Variants in CACNA2D1 observed in about 807,000 individuals in gnomAD.
CACNA2D1 encodes the protein calcium voltage-gated channel auxiliary subunit alpha2delta 1.
CACNA2D1 carries 53 observed loss-of-function variants against 171.5 expected under a neutral mutation model. That is an observed-to-expected ratio of 0.31 (90% CI 0.25 to 0.39). CACNA2D1 has a LOEUF of 0.39. CACNA2D1 is among the 10% of genes least tolerant of loss of function. The pLI, the probability that CACNA2D1 is intolerant of heterozygous loss-of-function variation, is 1.00. For synonymous variants in CACNA2D1, 442 were observed against 443.1 expected, an observed-to-expected ratio of 1.00 and a Z score of 0.03; for missense variants, 903 against 1,299.8, an observed-to-expected ratio of 0.69 and a Z score of 4.69.
chr7:82,380,721 G>C (rs1823599853), intron 1 of CACNA2D1, among the ~76,000 whole-genome samples: 2 of 151,984 alleles, frequency 1.3e-5, no homozygotes, highest in South Asian at 4.2e-4. Context: ...TTGAGACAGA[G>C]TCTTGCTCTG....
chr7:82,242,860 A>G (rs1804480470), intron 3 of CACNA2D1, among the ~76,000 whole-genome samples: 1 of 152,134 alleles, frequency 6.6e-6, no homozygotes. Context: ...GCAAGAAAAA[A>G]TGTATTTTGT....
intron 1 of CACNA2D1, among the ~76,000 whole-genome samples, chr7:82,407,487 GT>G (rs1827183439): frequency 6.6e-6 from 1 of 151,988 alleles, no homozygotes; most frequent in Non-Finnish European, 1.5e-5. Flanking sequence ...AAAATGTCTA[GT>G]AAGAGCAATG....
intron 5 of CACNA2D1, among the ~76,000 whole-genome samples, chr7:82,122,684 A>G (rs894032637): frequency 6.6e-6 from 1 of 152,208 alleles, no homozygotes; most frequent in African/African-American, 2.4e-5. Context: ...AGTGATATTT[A>G]TCTTCTGCTC....
At chr7:82,256,643 TATATTTGA>T (rs1190519767) in intron 3 of CACNA2D1, among the ~76,000 whole-genome samples, 1 of 152,166 alleles carries the variant, frequency 6.6e-6, no homozygotes, top group East Asian at 1.9e-4. Context: ...GTTTTTAAAG[TATATTTGA>T]ATCTTTACTA....
chr7:82,246,257 A>T (rs1234125016), intron 3 of CACNA2D1, among the ~76,000 whole-genome samples: 1 of 151,202 alleles, frequency 6.6e-6, no homozygotes, highest in Non-Finnish European at 1.5e-5. Context: ...ATATTTATGC[A>T]TATGTAGAGA....
In CACNA2D1 at chr7:82,360,189, C is replaced by T. The variant is rs555540812; in HGVS notation, c.96-10540G>A. On this transcript the variant is annotated intron_variant, in intron 1 of 38. Transcript: ENST00000356860. ...CTCCTCTCATCAGAACTTGGAGATA[C>T]CTCTTGTTTTCTAGTTTATAGACTG... Among the ~76,000 whole-genome samples, 23 of 152,282 alleles carry T rather than the reference C, an allele frequency of 1.5e-4. 1 individual carries two copies. The South Asian group carries it at 4.6e-3, about 30-fold the overall frequency.
intron 3 of CACNA2D1, among the ~76,000 whole-genome samples, chr7:82,244,537 G>A (rs1804682820): frequency 6.6e-6 from 1 of 152,054 alleles, no homozygotes; most frequent in South Asian, 2.1e-4. Flanking sequence ...TAACTTCTAA[G>A]AGGTATGCTG....
At chr7:82,440,435 A>C (rs78204765) in intron 1 of CACNA2D1, among the ~76,000 whole-genome samples, 1,966 of 151,992 alleles carry the variant, frequency 0.013, 40 homozygotes, top group African/African-American at 0.045. Context: ...CCTTTTTGAA[A>C]GCTACATTTT....
intron 12 of CACNA2D1, chr7:82,028,465 A>C (rs1802230042): frequency 6.6e-6 from 1 of 151,954 alleles, no homozygotes; most frequent in Middle Eastern, 3.4e-3. Context: ...ATCAAGAACT[A>C]ATTGTGACTT....
intron 5 of CACNA2D1, among the ~76,000 whole-genome samples, chr7:82,119,858 G>A (rs1789507461): frequency 6.6e-6 from 1 of 152,236 alleles, no homozygotes; most frequent in East Asian, 1.9e-4. Flanking sequence ...ATCACAATTT[G>A]TATTTCTATC....
intron 11 of CACNA2D1, 21 bp from the exon 12 acceptor site, chr7:82,032,922 C>T: frequency 8.0e-7 from 1 of 1,249,654 alleles, no homozygotes; most frequent in Non-Finnish European, 1.2e-6. Context: ...CAAAACCAAA[C>T]AAAACAATAT....
chr7:82,076,444 A>G (rs1414789688), intron 7 of CACNA2D1, among the ~76,000 whole-genome samples: 1 of 152,114 alleles, frequency 6.6e-6, no homozygotes, highest in African/African-American at 2.4e-5. Flanking sequence ...ATTTTGGTAA[A>G]CAGCTTTGAT....
At chr7:82,368,681 C>G (rs1329252247) in intron 1 of CACNA2D1, among the ~76,000 whole-genome samples, 1 of 152,068 alleles carries the variant, frequency 6.6e-6, no homozygotes, top group Non-Finnish European at 1.5e-5. Flanking sequence ...TAAATTACAG[C>G]CATAGGAACT....
At chr7:82,118,319 T>C (rs1398622542) in intron 5 of CACNA2D1, among the ~76,000 whole-genome samples, 5 of 152,206 alleles carry the variant, frequency 3.3e-5, no homozygotes, top group African/African-American at 1.2e-4. Flanking sequence ...TGTTAAACTT[T>C]TTTTGTTCAG....
chr7:81,973,122 G>C (rs551983325), intron 25 of CACNA2D1, among the ~76,000 whole-genome samples: 1 of 151,940 alleles, frequency 6.6e-6, no homozygotes, highest in Non-Finnish European at 1.5e-5. Context: ...AAACATTTCT[G>C]ATAAACTCAT....
intron 24 of CACNA2D1, among the ~76,000 whole-genome samples, 164 bp from the exon 25 acceptor site, chr7:81,974,716 T>C (rs573052396): frequency 1.3e-5 from 2 of 152,160 alleles, no homozygotes; most frequent in African/African-American, 4.8e-5. Flanking sequence ...GGACCAATAC[T>C]TTACCAGTAA....
intron 1 of CACNA2D1, among the ~76,000 whole-genome samples, chr7:82,418,856 C>T (rs1364705967): frequency 3.3e-5 from 5 of 152,160 alleles, no homozygotes; most frequent in African/African-American, 7.2e-5. Context: ...CGGTGGCTCA[C>T]GCCTGTAATC....
intron 3 of CACNA2D1, among the ~76,000 whole-genome samples, chr7:82,297,071 CCAAA>C (rs1219658443): frequency 2.9e-5 from 1 of 34,416 alleles, no homozygotes; most frequent in African/African-American, 2.1e-4. Flanking sequence ...TCTGTGTCTA[CCAAA>C]AAAAAAAAAA....
intron 1 of CACNA2D1, among the ~76,000 whole-genome samples, chr7:82,380,990 C>T (rs893166309): frequency 9.2e-5 from 14 of 151,930 alleles, no homozygotes; most frequent in Non-Finnish European, 1.3e-4. Context: ...CCACTGCGCC[C>T]GGCCACATTT....
Sources: allele counts gnomAD v4.1 joint callset (sites outside exome capture counted in the v4.1 genomes callset), GRCh38; gene constraint gnomAD v4.1.1; transcripts MANE v1.5; gene names NCBI Gene and HGNC (gene_info 2026-07-23, HGNC 2026-07-21).